The following AVEN variants were observed in gnomAD, a reference collection of about 807,000 sequenced individuals.
The protein encoded by AVEN is cell death regulator Aven.
AVEN carries 41 observed loss-of-function variants against 38.1 expected under a neutral mutation model. The observed-to-expected ratio is 1.08, with a 90% CI of 0.84 to 1.40. The LOEUF (loss-of-function observed/expected upper bound fraction) is 1.40. Among genes scored for constraint, AVEN ranks in the 40% most tolerant of loss-of-function variants. AVEN has a pLI of 0.00. For missense variants in AVEN, 605 were observed against 438.8 expected (o/e 1.38, Z -3.38); for synonymous variants, 206 against 171.8 (o/e 1.20, Z -1.56).
At chr15:33,981,774 T>C (rs1349077430) in intron 2 of AVEN, among the ~76,000 whole-genome samples, 1 of 152,226 alleles carries the variant, frequency 6.6e-6, no homozygotes, top group Admixed American at 6.5e-5. Flanking sequence ...AAGGGCTATT[T>C]TGAATTTAAA....
At chr15:33,980,928 C>A (rs1328159107) in intron 2 of AVEN, among the ~76,000 whole-genome samples, 1 of 152,130 alleles carries the variant, frequency 6.6e-6, no homozygotes, top group Non-Finnish European at 1.5e-5. Flanking sequence ...AGCCTCCAAT[C>A]AGAACTTAAA....
intron 1 of AVEN, among the ~76,000 whole-genome samples, chr15:34,038,415 G>A (rs1476715037): frequency 6.6e-6 from 1 of 152,194 alleles, no homozygotes; most frequent in African/African-American, 2.4e-5. Context: ...CCGCGCCTCC[G>A]TCCCATAGTG....
intron 1 of AVEN, among the ~76,000 whole-genome samples, chr15:34,008,951 C>T (rs1363561100): frequency 0.018 from 2,205 of 123,910 alleles, 65 homozygotes; most frequent in African/African-American, 0.077. Context: ...CACGTGCGCG[C>T]GCGCACACAC....
At chr15:34,056,911 T>C (rs569203361) in intron 5 of AVEN, among the ~76,000 whole-genome samples, 1 of 152,196 alleles carries the variant, frequency 6.6e-6, no homozygotes, top group Non-Finnish European at 1.5e-5. Context: ...TTGTGGCACA[T>C]GCCTGTAGTC....
intron 5 of AVEN, among the ~76,000 whole-genome samples, chr15:34,057,302 A>ATTT (rs1900193602): frequency 1.2e-4 from 3 of 25,586 alleles, no homozygotes. Context: ...ACGCCCAGCT[A>ATTT]ATTTTTTTTT....
At chr15:34,017,224 A>T (rs537222744) in intron 1 of AVEN, among the ~76,000 whole-genome samples, 2 of 152,158 alleles carry the variant, frequency 1.3e-5, no homozygotes, top group African/African-American at 4.8e-5. Flanking sequence ...ACCTATTAAC[A>T]ATTCATCCAA....
intron 2 of AVEN, among the ~76,000 whole-genome samples, chr15:33,947,837 G>C (rs1283240164): frequency 6.6e-6 from 1 of 152,108 alleles, no homozygotes; most frequent in Non-Finnish European, 1.5e-5. Context: ...GACTCCCTTT[G>C]AAAGTCATTT....
chr15:33,854,028 CTAATAA>C (rs919013100), downstream of AVEN, among the ~76,000 whole-genome samples: 1 of 151,994 alleles, frequency 6.6e-6, no homozygotes, highest in Non-Finnish European at 1.5e-5. Flanking sequence ...CCCGTCTCTA[CTAATAA>C]TATTTTTAAA....
At chr15:34,024,955 G>A (rs940475038) in intron 1 of AVEN, among the ~76,000 whole-genome samples, 8 of 152,058 alleles carry the variant, frequency 5.3e-5, no homozygotes, top group Non-Finnish European at 1.0e-4. Context: ...GGCCAAGGCA[G>A]GTGGATTACC....
At chr15:33,877,244 A>G (rs1172665288) in intron 2 of AVEN, among the ~76,000 whole-genome samples, 1 of 152,216 alleles carries the variant, frequency 6.6e-6, no homozygotes, top group Non-Finnish European at 1.5e-5. Flanking sequence ...TCTCATCTAA[A>G]TAACTGAAAG....
At chr15:33,979,513 T>C (rs1026914083) in intron 2 of AVEN, among the ~76,000 whole-genome samples, 18 of 152,200 alleles carry the variant, frequency 1.2e-4, no homozygotes, top group Non-Finnish European at 1.3e-4. Context: ...AAAACTGCAC[T>C]ATTTATGAAC....
chr15:33,994,698 CT>C (rs1296535337), intron 2 of AVEN, among the ~76,000 whole-genome samples: 8 of 152,128 alleles, frequency 5.3e-5, no homozygotes, highest in Middle Eastern at 3.2e-3. Context: ...TAGAAATTCA[CT>C]TTTTAATTAC....
chr15:33,930,269 A>G (rs1893790482), intron 2 of AVEN, among the ~76,000 whole-genome samples: 1 of 152,106 alleles, frequency 6.6e-6, no homozygotes, highest in Non-Finnish European at 1.5e-5. Context: ...ATTTGGGATG[A>G]CATCTTGACA....
intron 1 of AVEN, among the ~76,000 whole-genome samples, chr15:34,034,139 C>T (rs1399042407): frequency 2.6e-5 from 4 of 152,084 alleles, no homozygotes; most frequent in African/African-American, 7.2e-5. Flanking sequence ...TCAAATCACT[C>T]TAGTATTTAA....
At chr15:33,892,145 G>A in intron 2 of AVEN, among the ~76,000 whole-genome samples, 2 of 152,154 alleles carry the variant, frequency 1.3e-5, no homozygotes, top group African/African-American at 4.8e-5. Context: ...CAGATGGGTA[G>A]ATTGCAAAAA....
Position 33,894,964 on chromosome 15 carries a change from A to T in AVEN, c.446-18969T>A, listed in dbSNP as rs978915253. Among the ~76,000 whole-genome samples, 197 of 151,836 alleles carry T rather than the reference A, an allele frequency of 1.3e-3. 3 individuals carry two copies. The highest frequency in any genetic ancestry group is 3.4e-3 in the Middle Eastern group (1 of 294). On this transcript the variant is annotated intron_variant, in intron 2 of 5. Coordinates refer to ENST00000306730, the MANE Select transcript of AVEN (RefSeq NM_020371.3). ...GTCATCTATGTGATTAAAAGGTGCC[A>T]TCTGGAAATTAAACTTTGCACTACC...
Position 33,992,389 on chromosome 15 carries a change from C to CA in AVEN, c.445+10642dup, listed in dbSNP as rs145900095. ...TGCGCGACAGATCAGGACTCCGTCT[C>CA]AAAAAAAAAGAAAAAAGAAAATCAA... On this transcript the variant is annotated intron_variant, in intron 2 of 5. Transcript: ENST00000306730. Among the ~76,000 whole-genome samples the CA allele has an allele frequency of 2.4e-4, 36 of 147,610 alleles. 2 individuals are homozygous for CA. Among genetic ancestry groups the CA allele is most frequent in the Middle Eastern group, 3.5e-3 (1 of 286 alleles).
chr15:34,000,743 CA>C, intron 2 of AVEN, among the ~76,000 whole-genome samples: 1 of 152,260 alleles, frequency 6.6e-6, no homozygotes, highest in Non-Finnish European at 1.5e-5. Context: ...AAGCTCTTCT[CA>C]GTCTTATGCT....
intron 2 of AVEN, among the ~76,000 whole-genome samples, chr15:33,890,767 A>G (rs1405531314): frequency 1.3e-5 from 2 of 152,186 alleles, no homozygotes; most frequent in Admixed American, 1.3e-4. Context: ...TATCCAAGAC[A>G]AGTGAACAGT....
Sources: gnomAD v4.1 joint callset for allele counts (sites outside exome capture counted in the v4.1 genomes callset) on GRCh38, gnomAD v4.1.1 for gene constraint, MANE v1.5 for transcripts, NCBI Gene and HGNC (gene_info 2026-07-23, HGNC 2026-07-21) for gene names.